COL14A1: variants seen among roughly 807,000 people sequenced by gnomAD.
COL14A1 encodes the protein collagen alpha-1(XIV) chain.
COL14A1 carries 136 observed loss-of-function variants against 230.3 expected under a neutral mutation model. That is an observed-to-expected ratio of 0.59 (90% CI 0.51 to 0.68). The LOEUF (loss-of-function observed/expected upper bound fraction) is 0.68. COL14A1 is among the 30% of genes least tolerant of loss of function. COL14A1 has a pLI of 0.00. For missense variants in COL14A1, 1,976 were observed against 2,215.8 expected, an observed-to-expected ratio of 0.89 and a Z score of 2.17; for synonymous variants, 792 against 784.1, an observed-to-expected ratio of 1.01 and a Z score of -0.17.
intron 5 of COL14A1, among the ~76,000 whole-genome samples, chr8:120,173,495 T>C (rs1816159201): frequency 3.3e-5 from 5 of 152,126 alleles, no homozygotes. Context: ...CTATTGCTTC[T>C]GGAGTGTCAT....
rs757934406 is a variant in COL14A1 at position 120,280,056 on chromosome 8, C to T, written c.3603C>T (p.Ile1201=). The T allele has an allele frequency of 6.8e-6, 11 of 1,613,644 alleles. No individual in the cohort carries two copies. Among genetic ancestry groups the T allele is most frequent in the African/African-American group, 4.0e-5 (3 of 74,868 alleles). Residue 1201 remains isoleucine, a synonymous_variant, in exon 29 of 48, where the codon ATC becomes ATT. Transcript: ENST00000297848. ...ATGACTTTGACGCCTTTAAGAAAAT[C>T]GAAGATGAGTTAATTACTTTTGTCT... ...FVDDFDAFKK[I]EDELITFVCE...
At chr8:120,175,038 A>T (rs1295538873) in intron 5 of COL14A1, among the ~76,000 whole-genome samples, 1 of 152,168 alleles carries the variant, frequency 6.6e-6, no homozygotes, top group Non-Finnish European at 1.5e-5. Context: ...TTTCTTGTAT[A>T]AGAGTCTACA....
intron 37 of COL14A1, among the ~76,000 whole-genome samples, chr8:120,311,895 C>T (rs1459596405): frequency 6.6e-6 from 1 of 151,942 alleles, no homozygotes; most frequent in Non-Finnish European, 1.5e-5. Flanking sequence ...GTCAGGAGTT[C>T]GAGACCAGCC....
intron 5 of COL14A1, among the ~76,000 whole-genome samples, chr8:120,194,398 C>A (rs764980580): frequency 3.3e-5 from 5 of 151,860 alleles, no homozygotes; most frequent in Non-Finnish European, 5.9e-5. Flanking sequence ...GCACCCAAGC[C>A]CCCCCTTACC....
chr8:120,289,524 G>A lies in COL14A1; in HGVS notation c.4078-84G>A, dbSNP rs192686517. The A allele has an allele frequency of 2.6e-4, 322 of 1,236,712 alleles. 1 individual carries two copies. In the African/African-American group the frequency reaches 3.9e-3, roughly 15 times the overall value. The allele number at this position is 1,236,712 out of a possible 1,614,324, so 76.6% of individuals were successfully genotyped here. On this transcript the variant is annotated intron_variant, in intron 33 of 47. Coordinates refer to ENST00000297848, the MANE Select transcript of COL14A1 (RefSeq NM_021110.4). ...TTCTTTCTCTTCTCTTTCATACTTT[G>A]TAATGATGAATCATACAATTATACA...
chr8:120,356,227 A>T (rs773296729), intron 45 of COL14A1, among the ~76,000 whole-genome samples: 2 of 152,240 alleles, frequency 1.3e-5, no homozygotes, highest in Non-Finnish European at 2.9e-5. Context: ...ATTGCTAAGC[A>T]TGTTATGTGA....
At position 120,209,786 on chromosome 8, in the gene COL14A1, T is replaced by TGA; in HGVS notation, c.1353_1354insAG (p.Tyr452SerfsTer4). On this transcript the variant is annotated frameshift_variant, in exon 12 of 48. Transcript: ENST00000297848. LOFTEE classifies it high-confidence loss of function. ...TTACCGATGGCTTCTGACCTTCTAC[T>TGA]GTACGACGTGACTGAGAACAGCATG... 1 of 1,613,582 alleles carries TGA rather than the reference T, an allele frequency of 6.2e-7. No individual in the cohort carries two copies. Among genetic ancestry groups the TGA allele is most frequent in the Non-Finnish European group, 8.5e-7 (1 of 1,179,760 alleles).
chr8:120,177,549 T>C (rs1273403894), intron 5 of COL14A1, among the ~76,000 whole-genome samples: 2 of 149,466 alleles, frequency 1.3e-5, no homozygotes, highest in Non-Finnish European at 3.0e-5. Flanking sequence ...CTCTGGAGGC[T>C]GAGGCAGGAG....
intron 13 of COL14A1, 120 bp from the exon 14 acceptor site, chr8:120,216,231 T>G (rs769258690): frequency 1.2e-5 from 9 of 749,300 alleles, no homozygotes; most frequent in African/African-American, 1.8e-5. Flanking sequence ...TTCAGTGTTA[T>G]AAGTTATTAT....
At chr8:120,233,389 T>G (rs1166012600) in intron 19 of COL14A1, among the ~76,000 whole-genome samples, 2 of 152,230 alleles carry the variant, frequency 1.3e-5, no homozygotes, top group African/African-American at 4.8e-5. Context: ...TCCAGGATTT[T>G]TATGGTTTTA....
At chr8:120,249,690 T>C (rs1427048468) in intron 21 of COL14A1, among the ~76,000 whole-genome samples, 3 of 152,188 alleles carry the variant, frequency 2.0e-5, no homozygotes, top group African/African-American at 4.8e-5. Context: ...CATGCTACAA[T>C]GGACAGTACT....
chr8:120,276,021 C>G (rs1819828477), intron 26 of COL14A1, among the ~76,000 whole-genome samples: 1 of 151,566 alleles, frequency 6.6e-6, no homozygotes. Context: ...TCAAAAGACA[C>G]CAGTAAACAT....
chr8:120,193,468 C>T (rs1440214654), intron 5 of COL14A1, among the ~76,000 whole-genome samples: 9 of 152,188 alleles, frequency 5.9e-5, no homozygotes, highest in African/African-American at 1.9e-4. Flanking sequence ...TGGGCGGTGC[C>T]TCCCAGTTAG....
intron 45 of COL14A1, among the ~76,000 whole-genome samples, chr8:120,356,156 G>A (rs781595074): frequency 1.3e-5 from 2 of 152,240 alleles, no homozygotes; most frequent in East Asian, 3.8e-4. Context: ...AAAGGAAGAT[G>A]TCAGTCACTG....
rs1417120216 is a variant in COL14A1 at position 120,231,485 on chromosome 8, G to C, written c.2216G>C (p.Arg739Thr). The C allele has an allele frequency of 6.2e-7, 1 of 1,612,734 alleles. No homozygotes were observed. Among genetic ancestry groups the C allele is most frequent in the Non-Finnish European group, 8.5e-7 (1 of 1,179,690 alleles). Residue 739 changes from arginine (R) to threonine (T), a missense_variant, in exon 19 of 48, where the codon AGA becomes ACA. This residue lies in a region of COL14A1 where 1,791 missense variants were observed against 2,019.5 expected (regional missense o/e 0.89). Coordinates refer to ENST00000297848, the MANE Select transcript of COL14A1 (RefSeq NM_021110.4). ...ATTCCAGTTTTCCAGACGGGAATCA[G>C]AAACCTAGTTGTAGGTGATGAAACT... Reference protein sequence around the residue: ...SVTSVFQTGIRNLVVGDETTS... With the variant: ...SVTSVFQTGITNLVVGDETTS...
chr8:120,153,148 C>T (rs560457058), intron 2 of COL14A1, among the ~76,000 whole-genome samples: 2 of 152,150 alleles, frequency 1.3e-5, no homozygotes, highest in South Asian at 4.1e-4. Flanking sequence ...TTAGGCAGTA[C>T]ATTTAACTGA....
chr8:120,223,837 A>T (rs920690961), intron 14 of COL14A1, among the ~76,000 whole-genome samples: 2 of 152,020 alleles, frequency 1.3e-5, no homozygotes, highest in African/African-American at 4.8e-5. Flanking sequence ...ATGCATTATT[A>T]TAAGTCCTTG....
At chr8:120,289,832 G>A in intron 34 of COL14A1, 66 bp downstream of exon 34, 2 of 1,498,300 alleles carry the variant, frequency 1.3e-6, no homozygotes, top group South Asian at 1.4e-5. Context: ...AAGTACATTA[G>A]CTATTTTCCA....
rs1170330701 is a variant in COL14A1, at chr8:120,162,532, A to C, written c.312A>C (p.Lys104Asn). ...CAGTTCAAATTATTGCATACAATAA[A>C]GATAAAGAAAGCAAGCCAGCTCAAG... ...NYTVQIIAYN[K>N]DKESKPAQGQ... The change falls in exon 4 of 48, where the codon AAA becomes AAC. Residue 104 changes from lysine to asparagine, a missense_variant. Lys to Asn is a moderately conservative substitution (Grantham distance 94). Transcript: ENST00000297848. 2 of 1,609,334 alleles carry C rather than the reference A, an allele frequency of 1.2e-6. No homozygotes were observed. The highest frequency in any genetic ancestry group is 8.5e-7 in the Non-Finnish European group (1 of 1,178,062).
Sources: gnomAD v4.1 joint callset for allele counts (sites outside exome capture counted in the v4.1 genomes callset) on GRCh38, gnomAD v4.1.1 for gene constraint, gnomAD v4.1.1 regional missense constraint, MANE v1.5 for transcripts, NCBI Gene and HGNC (gene_info 2026-07-23, HGNC 2026-07-21) for gene names.